Variants in PRKRIP1 observed in about 807,000 individuals in gnomAD.
The protein encoded by PRKRIP1 is PRKR-interacting protein 1.
PRKRIP1 carries 29 observed loss-of-function variants against 29.3 expected under a neutral mutation model. That is an observed-to-expected ratio of 0.99 (90% CI 0.74 to 1.35). PRKRIP1 has a LOEUF of 1.35. Among genes scored for constraint, PRKRIP1 ranks in the 40% most tolerant of loss-of-function variants. The pLI, the probability that PRKRIP1 is intolerant of heterozygous loss-of-function variation, is 0.00. For synonymous variants in PRKRIP1, 90 were observed against 85.1 expected, an observed-to-expected ratio of 1.06 and a Z score of -0.32; for missense variants, 247 against 236.8, an observed-to-expected ratio of 1.04 and a Z score of -0.28.
At chr7:102,416,894 C>T (rs1252984461) in intron 5 of PRKRIP1, among the ~76,000 whole-genome samples, 2 of 151,776 alleles carry the variant, frequency 1.3e-5, no homozygotes, top group African/African-American at 2.4e-5. Context: ...CTCGCTTTGT[C>T]GCCCAGGCTG....
chr7:102,405,332 T>C (rs1160480226), intron 4 of PRKRIP1, among the ~76,000 whole-genome samples: 2 of 152,234 alleles, frequency 1.3e-5, no homozygotes, highest in African/African-American at 4.8e-5. Context: ...ATAGGCTGTA[T>C]GTTTATATGT....
rs368490029 is a variant in PRKRIP1 at position 102,423,179 on chromosome 7, A to C, written c.458-1835A>C. ...ACCCAGGCTGGAGTGCAGTGGCGCT[A>C]TCTCGGCTCACTGCAACCTTTGCCT... On this transcript the variant is annotated intron_variant, in intron 5 of 5. Coordinates refer to ENST00000397912, the MANE Select transcript of PRKRIP1 (RefSeq NM_024653.4). 19 of 445,956 alleles carry C rather than the reference A, an allele frequency of 4.3e-5. No individual in the cohort carries two copies. In the East Asian group the frequency reaches 1.3e-3, roughly 30 times the overall value. The allele number at this position is 445,956 out of a possible 1,614,324, so 27.6% of individuals were successfully genotyped here.
At position 102,411,148 on chromosome 7, in the gene PRKRIP1, T is replaced by C. The variant is rs186268752; in HGVS notation, c.457+3650T>C. On this transcript the variant is annotated intron_variant, in intron 5 of 5. Coordinates refer to ENST00000397912, the MANE Select transcript of PRKRIP1 (RefSeq NM_024653.4). The stretch of plus-strand genomic sequence containing the variant: ...CTCACTATGTTGTCCAGGCTTGTCT[T>C]GAACTCCTGGGCTCAAGTGATCCTC... Among the ~76,000 whole-genome samples the C allele has an allele frequency of 6.8e-3, 1,035 of 152,218 alleles. 9 individuals carry two copies. Among genetic ancestry groups the C allele is most frequent in the African/African-American group, 0.023 (976 of 41,548 alleles).
At chr7:102,415,984 C>T (rs1481394855) in intron 5 of PRKRIP1, among the ~76,000 whole-genome samples, 3 of 152,256 alleles carry the variant, frequency 2.0e-5, no homozygotes, top group African/African-American at 7.2e-5. Flanking sequence ...GTACTCTGTT[C>T]ACGCCGCCTG....
At chr7:102,424,411 C>G (rs1210676492) in intron 5 of PRKRIP1, among the ~76,000 whole-genome samples, 1 of 152,250 alleles carries the variant, frequency 6.6e-6, no homozygotes, top group Non-Finnish European at 1.5e-5. Flanking sequence ...CACTTGTCCT[C>G]CTGCTCCCGC....
At chr7:102,419,802 A>G (rs1796642628) in intron 5 of PRKRIP1, among the ~76,000 whole-genome samples, 3 of 151,964 alleles carry the variant, frequency 2.0e-5, no homozygotes, top group Admixed American at 6.6e-5. Context: ...GATTATGGAT[A>G]AAGCTTCAAC....
At chr7:102,401,823 A>T (rs968903030) in intron 3 of PRKRIP1, among the ~76,000 whole-genome samples, 2 of 152,178 alleles carry the variant, frequency 1.3e-5, no homozygotes, top group Admixed American at 1.3e-4. Context: ...GAATCACTTG[A>T]ACCTGGGAGA....
intron 4 of PRKRIP1, among the ~76,000 whole-genome samples, chr7:102,405,324 A>G (rs1554571700): frequency 6.6e-6 from 1 of 152,254 alleles, no homozygotes. Context: ...CATGGTATAT[A>G]GGCTGTATGT....
rs782110964 is a variant in PRKRIP1, at chr7:102,425,199, G to GGACCCGCT, written c.*98_*105dup. The GGACCCGCT allele has an allele frequency of 2.1e-5, 32 of 1,534,818 alleles. No homozygotes were observed. Among genetic ancestry groups the GGACCCGCT allele is most frequent in the Non-Finnish European group, 2.8e-5 (32 of 1,145,502 alleles). On this transcript the variant is annotated 3_prime_UTR_variant, in exon 6 of 6. Transcript: ENST00000397912. Reference sequence around the variant, plus strand: ...CTGTTTGGCTCTTTCTCCCCCGCAAGGACCCGCTGACCCGCTGGATGGAGA... The same window carrying GGACCCGCT: ...CTGTTTGGCTCTTTCTCCCCCGCAAGGACCCGCTGACCCGCTGACCCGCTGGATGGAGA...
At chr7:102,420,716 C>T (rs1413062051) in intron 5 of PRKRIP1, among the ~76,000 whole-genome samples, 1 of 151,584 alleles carries the variant, frequency 6.6e-6, no homozygotes, top group Admixed American at 6.6e-5. Context: ...GGTTGAGCAT[C>T]CCAAACCCAA....
At chr7:102,423,733 C>T (rs1554574115) in intron 5 of PRKRIP1, among the ~76,000 whole-genome samples, 1 of 151,694 alleles carries the variant, frequency 6.6e-6, no homozygotes, top group East Asian at 1.9e-4. Flanking sequence ...CCCAGGCTGC[C>T]GTGCAGTAGC....
chr7:102,396,661 A>G, intron 1 of PRKRIP1, 124 bp downstream of exon 1: 1 of 1,035,970 alleles, frequency 9.7e-7, no homozygotes, highest in Non-Finnish European at 1.4e-6. Context: ...CCGACCCTCC[A>G]AGAGCAGTCT....
At chr7:102,424,530 G>C (rs567075647) in intron 5 of PRKRIP1, among the ~76,000 whole-genome samples, 14 of 152,242 alleles carry the variant, frequency 9.2e-5, no homozygotes, top group South Asian at 8.3e-4. Flanking sequence ...GTCAGGAGGG[G>C]CTTCCTGGGC....
intron 2 of PRKRIP1, 118 bp downstream of exon 2, chr7:102,397,816 C>T (rs13235202): frequency 3.4e-5 from 28 of 830,718 alleles, no homozygotes; most frequent in South Asian, 1.9e-4. Flanking sequence ...GAGGCCGAGG[C>T]GGGCGGATCA....
At chr7:102,419,848 TGTGTG>T (rs1563623530) in intron 5 of PRKRIP1, among the ~76,000 whole-genome samples, 176 of 4,170 alleles carry the variant, frequency 0.042, no homozygotes, top group Non-Finnish European at 0.29. Flanking sequence ...TGTGTTTTTG[TGTGTG>T]TGTGTGTGTG....
chr7:102,402,460 G>C (rs950754303), intron 3 of PRKRIP1, among the ~76,000 whole-genome samples: 8 of 151,910 alleles, frequency 5.3e-5, no homozygotes, highest in Admixed American at 2.6e-4. Context: ...GGGGGTGGGG[G>C]GTGGAGTGAG....
chr7:102,405,370 C>T (rs1554571708), intron 4 of PRKRIP1, among the ~76,000 whole-genome samples: 1 of 152,186 alleles, frequency 6.6e-6, no homozygotes, highest in African/African-American at 2.4e-5. Flanking sequence ...TAAGTGGTCT[C>T]TCAACTTTTA....
At chr7:102,420,814 C>A (rs880924) in intron 5 of PRKRIP1, among the ~76,000 whole-genome samples, 69,087 of 151,870 alleles carry the variant, frequency 0.45, 16,162 homozygotes, top group Middle Eastern at 0.67. Context: ...TAACCTCATG[C>A]AAGAGGTCAC....
intron 3 of PRKRIP1, among the ~76,000 whole-genome samples, chr7:102,403,200 C>G (rs1401133284): frequency 2.0e-5 from 3 of 152,146 alleles, no homozygotes; most frequent in Non-Finnish European, 4.4e-5. Flanking sequence ...CTAAGCAAAT[C>G]AGATCTTTTA....
Sources: allele counts gnomAD v4.1 joint callset (sites outside exome capture counted in the v4.1 genomes callset), GRCh38; gene constraint gnomAD v4.1.1; transcripts MANE v1.5; gene names NCBI Gene and HGNC (gene_info 2026-07-23, HGNC 2026-07-21).